Variants in PLD5 observed in about 807,000 individuals in gnomAD.
PLD5 encodes phospholipase D family member 5.
PLD5 carries 36 observed loss-of-function variants against 61.1 expected under a neutral mutation model. The observed-to-expected ratio is 0.59, with a 90% CI of 0.45 to 0.78. PLD5 has a LOEUF of 0.78. Among genes scored for constraint, PLD5 ranks in the 30% least tolerant of loss-of-function variants. The pLI is 0.00. For synonymous variants in PLD5, 243 were observed against 242.8 expected, an observed-to-expected ratio of 1.00 and a Z score of -0.01; for missense variants, 515 against 644.4, an observed-to-expected ratio of 0.80 and a Z score of 2.17.
chr1:242,458,961 C>T (rs1328927306), intron 1 of PLD5, among the ~76,000 whole-genome samples: 7 of 152,216 alleles, frequency 4.6e-5, no homozygotes, highest in South Asian at 2.1e-4. Flanking sequence ...GCTATTACTG[C>T]GACTGCTGCT....
At chr1:242,318,006 TA>T (rs1238357566) in intron 2 of PLD5, among the ~76,000 whole-genome samples, 3 of 152,196 alleles carry the variant, frequency 2.0e-5, no homozygotes, top group East Asian at 3.9e-4. Flanking sequence ...CAAGGAGGCA[TA>T]AAAAAGCTTT....
At chr1:242,172,092 C>A (rs534389564) in intron 5 of PLD5, among the ~76,000 whole-genome samples, 1 of 152,312 alleles carries the variant, frequency 6.6e-6, no homozygotes, top group African/African-American at 2.4e-5. Flanking sequence ...CTTTGCAGCA[C>A]CTCATTGCAC....
At chr1:242,354,503 T>C (rs186762235) in intron 1 of PLD5, among the ~76,000 whole-genome samples, 212 of 152,324 alleles carry the variant, frequency 1.4e-3, no homozygotes, top group African/African-American at 5.0e-3. Flanking sequence ...AATTATTTCC[T>C]GGGTGAAGCC....
chr1:242,149,627 A>C (rs1395474798), intron 5 of PLD5, among the ~76,000 whole-genome samples: 1 of 151,214 alleles, frequency 6.6e-6, no homozygotes. Context: ...GGAAGTATTT[A>C]CTACATATTC....
chr1:242,241,680 A>G (rs1339648725), intron 4 of PLD5, among the ~76,000 whole-genome samples: 2 of 151,848 alleles, frequency 1.3e-5, no homozygotes, highest in Non-Finnish European at 2.9e-5. Flanking sequence ...CCACTTGGTT[A>G]TAAATGTGCG....
Position 242,503,408 on chromosome 1 carries a change from G to T in PLD5, c.189+20680C>A, listed in dbSNP as rs548980291. Among the ~76,000 whole-genome samples the T allele has an allele frequency of 8.5e-5, 13 of 152,336 alleles. No individual in the cohort carries two copies. In the East Asian group the frequency reaches 2.5e-3, roughly 29 times the overall value. Reference sequence around the variant, plus strand: ...CTGAGGCCTCCTCAGAAGCCGAGCAGATGCCAGTGCCATGTTTGTACAGCT... The same window carrying T: ...CTGAGGCCTCCTCAGAAGCCGAGCATATGCCAGTGCCATGTTTGTACAGCT... On this transcript the variant is annotated intron_variant, in intron 1 of 9. Coordinates refer to ENST00000536534, the MANE Select transcript of PLD5 (RefSeq NM_001372062.1).
chr1:242,459,800 T>C lies in PLD5; in HGVS notation c.189+64288A>G, dbSNP rs552097477. 2.6e-3 allele frequency among the ~76,000 whole-genome samples: 390 copies of C among 152,222 alleles called. 3 individuals carry two copies. Among genetic ancestry groups the C allele is most frequent in the African/African-American group, 9.1e-3 (377 of 41,560 alleles). ...CCTATCCCAGAAAAGCAGATGTTCA[T>C]AGCTCTGGGAATGGAATGTGACTCT... On this transcript the variant is annotated intron_variant, in intron 1 of 9. Transcript: ENST00000536534.
chr1:242,379,716 G>T (rs1161986413), intron 1 of PLD5, among the ~76,000 whole-genome samples: 1 of 152,036 alleles, frequency 6.6e-6, no homozygotes, highest in Non-Finnish European at 1.5e-5. Context: ...CTGACAGGTT[G>T]ACCTCTTTTA....
intron 5 of PLD5, among the ~76,000 whole-genome samples, chr1:242,172,885 A>T (rs2148880997): frequency 6.6e-6 from 1 of 152,046 alleles, no homozygotes; most frequent in African/African-American, 2.4e-5. Context: ...GCACTAATTA[A>T]CAGCCTATCA....
At chr1:242,528,171 C>A (rs1427784575), upstream of PLD5, among the ~76,000 whole-genome samples, 1 of 152,114 alleles carries the variant, frequency 6.6e-6, no homozygotes, top group Non-Finnish European at 1.5e-5. Flanking sequence ...TAAATTGTGA[C>A]TTTCATGGTT....
At chr1:242,445,470 T>C (rs1482508921) in intron 1 of PLD5, among the ~76,000 whole-genome samples, 3 of 152,160 alleles carry the variant, frequency 2.0e-5, no homozygotes, top group African/African-American at 7.2e-5. Flanking sequence ...GCCTCCCGAG[T>C]AGCTGTGATT....
At chr1:242,348,022 T>G (rs1660237991) in intron 2 of PLD5, 84 bp downstream of exon 2, 2 of 1,524,152 alleles carry the variant, frequency 1.3e-6, no homozygotes, top group Admixed American at 1.9e-5. Flanking sequence ...CGTGTGTTTA[T>G]GTATTCTCTT....
chr1:242,513,319 T>C (rs924730882), intron 1 of PLD5, among the ~76,000 whole-genome samples: 1 of 152,210 alleles, frequency 6.6e-6, no homozygotes, highest in Admixed American at 6.5e-5. Flanking sequence ...GCTGTTTCAA[T>C]AGTCAAGTTT....
At chr1:242,496,824 T>C (rs1668386001) in intron 1 of PLD5, among the ~76,000 whole-genome samples, 1 of 152,214 alleles carries the variant, frequency 6.6e-6, no homozygotes, top group African/African-American at 2.4e-5. Context: ...GAAGCAGGAT[T>C]ATATGTGTCA....
intron 1 of PLD5, among the ~76,000 whole-genome samples, chr1:242,478,015 A>G (rs1402137514): frequency 6.6e-6 from 1 of 152,246 alleles, no homozygotes; most frequent in African/African-American, 2.4e-5. Flanking sequence ...CTCTACAGCC[A>G]GTGAAGTACA....
At chr1:242,095,555 T>A (rs1660161909) in intron 9 of PLD5, among the ~76,000 whole-genome samples, 1 of 152,136 alleles carries the variant, frequency 6.6e-6, no homozygotes, top group Non-Finnish European at 1.5e-5. Flanking sequence ...TCATCAAAAG[T>A]ACATTTTTTA....
At position 242,486,697 on chromosome 1, in the gene PLD5, C is replaced by A. The variant is rs537068588; in HGVS notation, c.189+37391G>T. 1.6e-4 allele frequency among the ~76,000 whole-genome samples: 25 copies of A among 152,208 alleles called. No individual in the cohort carries two copies. In the South Asian group the frequency reaches 5.2e-3, roughly 32 times the overall value. On this transcript the variant is annotated intron_variant, in intron 1 of 9. Coordinates refer to ENST00000536534, the MANE Select transcript of PLD5 (RefSeq NM_001372062.1). ...AACTAGAAATACCATTTGACCCAGC[C>A]ATCCCATTACTGGGTATATACCCAA...
chr1:242,160,008 T>C (rs909509226), intron 5 of PLD5, among the ~76,000 whole-genome samples: 8 of 151,796 alleles, frequency 5.3e-5, no homozygotes, highest in Non-Finnish European at 7.4e-5. Context: ...TCTTTTTTTT[T>C]CCCTTTTATT....
intron 3 of PLD5, among the ~76,000 whole-genome samples, chr1:242,274,143 T>C (rs908746375): frequency 2.6e-5 from 4 of 152,248 alleles, no homozygotes; most frequent in African/African-American, 7.2e-5. Flanking sequence ...AATTATAACA[T>C]ATTTAAATAA....
Sources: allele counts gnomAD v4.1 joint callset (sites outside exome capture counted in the v4.1 genomes callset), GRCh38; gene constraint gnomAD v4.1.1; transcripts MANE v1.5; gene names NCBI Gene and HGNC (gene_info 2026-07-23, HGNC 2026-07-21).